The following TFPI2 variants were observed in gnomAD, a reference collection of about 807,000 sequenced individuals.
TFPI2 encodes the protein tissue factor pathway inhibitor 2, also known as placental protein 5.
TFPI2 carries 23 observed loss-of-function variants against 23.1 expected under a neutral mutation model. That is an observed-to-expected ratio of 1.00 (90% CI 0.72 to 1.41). The LOEUF is 1.41. Ranked by LOEUF, TFPI2 falls within the 40% of genes most tolerant of loss-of-function variation. The pLI is 0.00. For missense variants in TFPI2, 291 were observed against 299.6 expected, an observed-to-expected ratio of 0.97 and a Z score of 0.21; for synonymous variants, 119 against 111.7, an observed-to-expected ratio of 1.07 and a Z score of -0.41.
chr7:93,889,412 C>T (rs1254246681), intron 2 of TFPI2, among the ~76,000 whole-genome samples, 189 bp from the exon 3 acceptor site: 1 of 151,740 alleles, frequency 6.6e-6, no homozygotes, highest in Non-Finnish European at 1.5e-5. Flanking sequence ...TCAGAGCTGA[C>T]TCAGCTGTGA....
intron 3 of TFPI2, among the ~76,000 whole-genome samples, chr7:93,888,542 A>ATAG (rs1383356042): frequency 8.1e-5 from 9 of 110,540 alleles, no homozygotes; most frequent in Non-Finnish European, 1.8e-5. Flanking sequence ...GGAAGGAAGG[A>ATAG]AAGAAGGAAG....
intron 3 of TFPI2, among the ~76,000 whole-genome samples, chr7:93,887,818 A>T (rs1794025853): frequency 6.6e-6 from 1 of 152,228 alleles, no homozygotes; most frequent in Non-Finnish European, 1.5e-5. Context: ...CTCTCATTCC[A>T]TTATTAATCA....
chr7:93,889,978 A>G, intron 2 of TFPI2, 159 bp downstream of exon 2: 1 of 673,672 alleles, frequency 1.5e-6, no homozygotes. Context: ...TAAATTTGTG[A>G]TTACTTTTAA....
In TFPI2 at chr7:93,886,535, G is replaced by A. The variant is rs1274869217; in HGVS notation, c.*285C>T. The A allele has an allele frequency of 1.2e-5, 3 of 250,754 alleles. No homozygotes were observed. Among genetic ancestry groups the A allele is most frequent in the Non-Finnish European group, 2.2e-5 (3 of 133,460 alleles). 15.5% of individuals were successfully genotyped at this position (250,754 alleles called of 1,614,324 possible). A position where few individuals can be genotyped will look rare whatever the true frequency, so the allele number is the denominator to read the frequency against. On this transcript the variant is annotated 3_prime_UTR_variant, in exon 5 of 5. Transcript: ENST00000222543. Reference sequence around the variant, plus strand: ...GATCCTCTTCTGAAATCAGGAATACGACCCCAAGAAATGAGTGAGTCATAT... The same window carrying A: ...GATCCTCTTCTGAAATCAGGAATACAACCCCAAGAAATGAGTGAGTCATAT...
chr7:93,890,173 A>G lies in TFPI2; in HGVS notation c.235T>C (p.Trp79Arg), dbSNP rs761474099. The G allele has an allele frequency of 2.5e-6, 4 of 1,612,774 alleles. No homozygotes were observed. Among genetic ancestry groups the G allele is most frequent in the Non-Finnish European group, 3.4e-6 (4 of 1,179,032 alleles). Residue 79 changes from tryptophan to arginine, a missense_variant, in exon 2 of 5, where the codon TGG becomes CGG. Physicochemically the swap from Trp to Arg is moderately radical, Grantham distance 101. Coordinates refer to ENST00000222543, the MANE Select transcript of TFPI2 (RefSeq NM_006528.4). ...CAGCAAGCATCGTCGCAAGCCTCCC[A>G]GGTGTAGAAATTGTTGGCGTTGCCC... ...CEGNANNFYT[W>R]EACDDACWRI...
Position 93,886,662 on chromosome 7 carries a change from T to TA in TFPI2, c.*157dup, listed in dbSNP as rs981208219. On this transcript the variant is annotated 3_prime_UTR_variant, in exon 5 of 5. Transcript: ENST00000222543. ...CATTTGAATAGCAGCTAGTTATATA[T>TA]AAAAAAATCCAAATTTTTTAAAAAG... 7.6e-6 allele frequency: 4 copies of TA among 527,068 alleles called. No individual in the cohort carries two copies. The highest frequency in any genetic ancestry group is 1.3e-5 in the Non-Finnish European group (4 of 308,694). 32.6% of individuals were successfully genotyped at this position (527,068 alleles called of 1,614,324 possible). A position where few individuals can be genotyped will look rare whatever the true frequency, so the allele number is the denominator to read the frequency against.
intron 3 of TFPI2, among the ~76,000 whole-genome samples, chr7:93,888,653 AAG>A (rs1346469816): frequency 7.2e-6 from 1 of 139,608 alleles, no homozygotes; most frequent in Non-Finnish European, 1.7e-5. Context: ...AAGAAAGAGA[AAG>A]AGAAAGAAGA....
intron 3 of TFPI2, 117 bp downstream of exon 3, chr7:93,888,918 G>A: frequency 1.0e-6 from 1 of 968,640 alleles, no homozygotes; most frequent in Non-Finnish European, 1.5e-6. Flanking sequence ...TCACTAACTT[G>A]TCAAGTAATG....
chr7:93,889,441 TAGAA>T (rs1288219624), intron 2 of TFPI2, among the ~76,000 whole-genome samples: 2 of 152,092 alleles, frequency 1.3e-5, no homozygotes, highest in Admixed American at 6.5e-5. Context: ...TCAAGTTCAG[TAGAA>T]AGACTCTCTG....
At position 93,890,726 on chromosome 7, in the gene TFPI2, C is replaced by T; in HGVS notation, c.-48G>A. On this transcript the variant is annotated 5_prime_UTR_variant, in exon 1 of 5. Coordinates refer to ENST00000222543, the MANE Select transcript of TFPI2 (RefSeq NM_006528.4). ...GCTGGGCAAGGCGTCCGAGAAAGCG[C>T]CTGGCGGGAGGAGGTGCGCGGCTTT... 6.4e-7 allele frequency: 1 copy of T among 1,561,928 alleles called. No individual in the cohort carries two copies. The highest frequency in any genetic ancestry group is 1.9e-4 in the Middle Eastern group (1 of 5,142).
At position 93,886,832 on chromosome 7, in the gene TFPI2, C is replaced by T. The variant is rs779562106; in HGVS notation, c.696G>A (p.Lys232=). The T allele has an allele frequency of 1.3e-5, 20 of 1,556,692 alleles. No individual in the cohort carries two copies. The highest frequency in any genetic ancestry group is 1.6e-5 in the Non-Finnish European group (19 of 1,162,680). The change falls in exon 5 of 5, where the codon AAG becomes AAA. Residue 232 remains lysine, a synonymous_variant. Transcript: ENST00000222543. ...RFASRIRKIR[K]KQF The stretch of plus-strand genomic sequence containing the variant: ...ATATTAAGAATGTTTAAAATTGCTT[C>T]TTCCGAATTTTCCGGATTCTACTGG...
chr7:93,890,521 C>A, intron 1 of TFPI2, 70 bp downstream of exon 1: 1 of 1,528,104 alleles, frequency 6.5e-7, no homozygotes, highest in South Asian at 1.2e-5. Flanking sequence ...AGGGCGCCTA[C>A]ACGGGGCCCC....
chr7:93,888,170 T>G (rs557470407), intron 3 of TFPI2, among the ~76,000 whole-genome samples: 1 of 152,324 alleles, frequency 6.6e-6, no homozygotes, highest in South Asian at 2.1e-4. Flanking sequence ...TGCTGCAATT[T>G]GCAATTACTG....
chr7:93,886,983 CT>C, intron 4 of TFPI2, 87 bp from the exon 5 acceptor site: 1 of 973,422 alleles, frequency 1.0e-6, no homozygotes, highest in South Asian at 1.8e-5. Flanking sequence ...GGTTATTGAG[CT>C]CACTTCATCT....
chr7:93,887,878 A>G (rs938937682), intron 3 of TFPI2, among the ~76,000 whole-genome samples: 10 of 152,244 alleles, frequency 6.6e-5, no homozygotes, highest in Non-Finnish European at 8.8e-5. Flanking sequence ...AAACATTTAT[A>G]TGTACACAAA....
chr7:93,889,294 C>T (rs1794079048), intron 2 of TFPI2, 71 bp from the exon 3 acceptor site: 7 of 1,391,130 alleles, frequency 5.0e-6, no homozygotes, highest in Non-Finnish European at 6.8e-6. Flanking sequence ...ACTGTATTTT[C>T]AGCAACATTT....
chr7:93,886,933 T>A (rs754304548), intron 4 of TFPI2, 37 bp from the exon 5 acceptor site: 2 of 1,420,922 alleles, frequency 1.4e-6, no homozygotes, highest in Non-Finnish European at 1.9e-6. Context: ...ATCATACATC[T>A]CCAGTCTGTA....
At position 93,890,258 on chromosome 7, in the gene TFPI2, GAGA is replaced by G. The variant is rs1554337493; in HGVS notation, c.147_149del (p.Leu50del). The G allele has an allele frequency of 6.2e-7, 1 of 1,613,918 alleles. No individual in the cohort carries two copies. Among genetic ancestry groups the G allele is most frequent in the Non-Finnish European group, 8.5e-7 (1 of 1,179,750 alleles). Reference sequence around the variant, plus strand: ...GCGTGTACCTGTCGTAGTAGTAACGGAGAAGTAGGGCCCGGCAGGGTCCGTAGT... The same window carrying G: ...GCGTGTACCTGTCGTAGTAGTAACGGAGTAGGGCCCGGCAGGGTCCGTAGT... On this transcript the variant is annotated inframe_deletion, in exon 2 of 5. Transcript: ENST00000222543.
rs181391258 is a variant in TFPI2 at position 93,885,581 on chromosome 7, G to A, written c.*1239C>T. The A allele has an allele frequency of 3.6e-4, 55 of 152,014 alleles. No individual in the cohort carries two copies. The highest frequency in any genetic ancestry group is 1.3e-3 in the African/African-American group (53 of 41,512). The allele number at this position is 152,014 out of a possible 1,614,324, so 9.4% of individuals were successfully genotyped here. A position where few individuals can be genotyped will look rare whatever the true frequency, so the allele number is the denominator to read the frequency against. On this transcript the variant is annotated 3_prime_UTR_variant, in exon 5 of 5. Transcript: ENST00000222543. ...CTTTAGTATCTTCTGTGATGTTTGT[G>A]TATATGTGTGTTTATTCATACTGTT...
Sources: allele counts gnomAD v4.1 joint callset (sites outside exome capture counted in the v4.1 genomes callset), GRCh38; gene constraint gnomAD v4.1.1; transcripts MANE v1.5; gene names NCBI Gene and HGNC (gene_info 2026-07-23, HGNC 2026-07-21).